Variants in PACS1 observed in about 807,000 individuals in gnomAD.
The protein encoded by PACS1 is PACS-1.
Under a neutral mutation model 115.0 loss-of-function variants are expected in PACS1, and 24 were observed. That is an observed-to-expected ratio of 0.21 (90% CI 0.15 to 0.29). The LOEUF (loss-of-function observed/expected upper bound fraction) is 0.29, where lower values mean the gene tolerates loss of function less well. PACS1 is among the 10% of genes least tolerant of loss of function. The probability of loss-of-function intolerance (pLI) is 1.00; values close to 1 mark genes in which losing one functional copy is unlikely to be tolerated. For synonymous variants in PACS1, 453 were observed against 504.5 expected (o/e 0.90, Z 1.37); for missense variants, 838 against 1,251.2 (o/e 0.67, Z 4.98).
At position 66,207,686 on chromosome 11, in the gene PACS1, G is replaced by A. The variant is rs372462405; in HGVS notation, c.445-2676G>A. Among the ~76,000 whole-genome samples, 22 of 152,166 alleles carry A rather than the reference G, an allele frequency of 1.4e-4. No individual in the cohort carries two copies. The East Asian group carries it at 4.1e-3, about 29-fold the overall frequency. On this transcript the variant is annotated intron_variant, in intron 2 of 23. Transcript: ENST00000320580. ...GGGCTGGCTGTGTGCTTCTGCTGATGTTATTTTATTTTTGCTGTTTTTTGA... is the reference window on the plus strand; with the variant it reads ...GGGCTGGCTGTGTGCTTCTGCTGATATTATTTTATTTTTGCTGTTTTTTGA...
At chr11:66,187,286 C>A (rs1325684785) in intron 1 of PACS1, among the ~76,000 whole-genome samples, 2 of 152,004 alleles carry the variant, frequency 1.3e-5, no homozygotes, top group Non-Finnish European at 2.9e-5. Flanking sequence ...ATTAGCATAC[C>A]CATCATCTCA....
At chr11:66,144,790 C>T (rs1014104521) in intron 1 of PACS1, among the ~76,000 whole-genome samples, 2 of 152,160 alleles carry the variant, frequency 1.3e-5, no homozygotes, top group South Asian at 2.1e-4. Context: ...TGCACCACGA[C>T]GCCCAGCTAA....
intron 2 of PACS1, among the ~76,000 whole-genome samples, chr11:66,198,366 A>G (rs141998256): frequency 1.6e-4 from 24 of 152,384 alleles, no homozygotes; most frequent in Admixed American, 4.6e-4. Flanking sequence ...AAGTCCATCA[A>G]CTGATCAATG....
At chr11:66,230,406 G>A (rs1409992326) in intron 11 of PACS1, 142 bp from the exon 12 acceptor site, 5 of 647,608 alleles carry the variant, frequency 7.7e-6, no homozygotes, top group Non-Finnish European at 1.4e-5. Flanking sequence ...TGAGGCAGGA[G>A]CTTTAGGACC....
chr11:66,077,251 T>A (rs1857413308), intron 1 of PACS1, among the ~76,000 whole-genome samples: 1 of 152,138 alleles, frequency 6.6e-6, no homozygotes, highest in Non-Finnish European at 1.5e-5. Context: ...CTAGAAAACT[T>A]CTAGAAAATA....
In PACS1 at chr11:66,102,468, G is replaced by A. The variant is rs148460858; in HGVS notation, c.356+31626G>A. 3.8e-3 allele frequency among the ~76,000 whole-genome samples: 582 copies of A among 151,988 alleles called. 3 individuals carry two copies. The highest frequency in any genetic ancestry group is 0.013 in the African/African-American group (552 of 41,434). ...GCCTCCCAAGCAGCTGGGACTACAG[G>A]TGCATACCACCACGCCAGGCTAATT... On this transcript the variant is annotated intron_variant, in intron 1 of 23. Coordinates refer to ENST00000320580, the MANE Select transcript of PACS1 (RefSeq NM_018026.4).
chr11:66,140,375 A>G (rs1030928430), intron 1 of PACS1, among the ~76,000 whole-genome samples: 2 of 152,186 alleles, frequency 1.3e-5, no homozygotes, highest in Admixed American at 1.3e-4. Flanking sequence ...ATTTTACTTC[A>G]GCAGACAGGG....
At chr11:66,174,345 C>T (rs559538571) in intron 1 of PACS1, among the ~76,000 whole-genome samples, 1 of 18,380 alleles carries the variant, frequency 5.4e-5, no homozygotes, top group African/African-American at 1.5e-4. Flanking sequence ...GGCATAGCCA[C>T]TTTGGAAAAT....
intron 1 of PACS1, among the ~76,000 whole-genome samples, chr11:66,108,911 A>G (rs945116922): frequency 1.3e-5 from 2 of 152,130 alleles, no homozygotes; most frequent in African/African-American, 2.4e-5. Context: ...CAGGGCTGCA[A>G]TGAGCTATGT....
chr11:66,154,078 A>G (rs1366549010), intron 1 of PACS1, among the ~76,000 whole-genome samples: 1 of 152,220 alleles, frequency 6.6e-6, no homozygotes, highest in Non-Finnish European at 1.5e-5. Context: ...CTTTATAATG[A>G]TAAAAGGGTC....
intron 1 of PACS1, among the ~76,000 whole-genome samples, chr11:66,111,335 A>G (rs886839679): frequency 6.6e-6 from 1 of 152,220 alleles, no homozygotes; most frequent in African/African-American, 2.4e-5. Context: ...TCTGCGGTGC[A>G]TGACTGTACT....
At chr11:66,230,377 G>C (rs1190637243) in intron 11 of PACS1, 171 bp from the exon 12 acceptor site, 3 of 610,260 alleles carry the variant, frequency 4.9e-6, no homozygotes, top group Non-Finnish European at 8.8e-6. Flanking sequence ...CCCGTGAACA[G>C]TGGCGATTTT....
chr11:66,096,212 T>TC (rs1286781880), intron 1 of PACS1, among the ~76,000 whole-genome samples: 1 of 28,050 alleles, frequency 3.6e-5, no homozygotes, highest in East Asian at 4.6e-4. Context: ...TTTCTTTCTT[T>TC]TTTTTTTTTT....
chr11:66,113,522 A>G (rs531571682), intron 1 of PACS1, among the ~76,000 whole-genome samples: 2 of 152,226 alleles, frequency 1.3e-5, no homozygotes, highest in African/African-American at 4.8e-5. Flanking sequence ...TACTTTTACA[A>G]CGTAACAAGC....
intron 1 of PACS1, among the ~76,000 whole-genome samples, chr11:66,099,630 C>T (rs186328388): frequency 2.2e-4 from 34 of 152,112 alleles, no homozygotes; most frequent in Admixed American, 1.2e-3. Flanking sequence ...ACTGCAACCT[C>T]CGCCTCCTGG....
chr11:66,217,539 G>C, intron 7 of PACS1: 1 of 456,174 alleles, frequency 2.2e-6, no homozygotes, highest in Non-Finnish European at 4.4e-6. Context: ...ACCCCTGAGA[G>C]CCGAGATGCC....
At chr11:66,148,921 A>G (rs1859179709) in intron 1 of PACS1, among the ~76,000 whole-genome samples, 1 of 152,140 alleles carries the variant, frequency 6.6e-6, no homozygotes. Context: ...GTGAGGCTCC[A>G]TCTCAAAACA....
chr11:66,096,209 C>CTTTTT (rs66569530), intron 1 of PACS1, among the ~76,000 whole-genome samples: 97 of 119,440 alleles, frequency 8.1e-4, no homozygotes, highest in East Asian at 3.2e-3. Flanking sequence ...CTTTTTCTTT[C>CTTTTT]TTTTTTTTTT....
intron 1 of PACS1, among the ~76,000 whole-genome samples, chr11:66,076,500 C>T (rs192356994): frequency 3.2e-4 from 49 of 152,154 alleles, no homozygotes; most frequent in African/African-American, 1.2e-3. Flanking sequence ...TCCCAGGATT[C>T]TTGAGCCTCA....
Sources: allele counts gnomAD v4.1 joint callset (sites outside exome capture counted in the v4.1 genomes callset), GRCh38; gene constraint gnomAD v4.1.1; transcripts MANE v1.5; gene names NCBI Gene and HGNC (gene_info 2026-07-23, HGNC 2026-07-21).